Variants in PRDM11 observed in about 807,000 individuals in gnomAD.
The protein encoded by PRDM11 is PR domain-containing protein 11.
In PRDM11, 20 loss-of-function variants were observed where a neutral mutation model predicts 97.8. That is an observed-to-expected ratio of 0.20 (90% CI 0.14 to 0.30). PRDM11 has a LOEUF of 0.30. Among genes scored for constraint, PRDM11 ranks in the 10% least tolerant of loss-of-function variants. The pLI is 1.00. For synonymous variants in PRDM11, 599 were observed against 637.7 expected, an observed-to-expected ratio of 0.94 and a Z score of 0.91; for missense variants, 1,139 against 1,555.2, an observed-to-expected ratio of 0.73 and a Z score of 4.50.
intron 4 of PRDM11, among the ~76,000 whole-genome samples, chr11:45,201,162 G>T (rs1853313524): frequency 6.6e-6 from 1 of 152,204 alleles, no homozygotes; most frequent in Admixed American, 6.5e-5. Flanking sequence ...GTAGAGGCCA[G>T]TACCCTAGAG....
chr11:45,185,244 AC>A (rs1449607273), intron 4 of PRDM11, among the ~76,000 whole-genome samples: 5 of 152,210 alleles, frequency 3.3e-5, no homozygotes, highest in South Asian at 2.1e-4. Flanking sequence ...ATGTCTGGAG[AC>A]CTTTTGGTTG....
intron 1 of PRDM11, among the ~76,000 whole-genome samples, chr11:45,162,560 CAT>C (rs1209489568): frequency 1.3e-5 from 2 of 152,172 alleles, no homozygotes; most frequent in African/African-American, 2.4e-5. Flanking sequence ...AATAACCACT[CAT>C]ATTTACTGAG....
chr11:45,135,678 C>A (rs1028675401), intron 1 of PRDM11, among the ~76,000 whole-genome samples: 1 of 152,128 alleles, frequency 6.6e-6, no homozygotes, highest in Non-Finnish European at 1.5e-5. Context: ...GACTTAAATA[C>A]GATGGAAAAA....
At chr11:45,151,327 C>T (rs1267707905) in intron 1 of PRDM11, among the ~76,000 whole-genome samples, 2 of 152,190 alleles carry the variant, frequency 1.3e-5, no homozygotes, top group African/African-American at 2.4e-5. Context: ...AAAAACAAGC[C>T]GTGCAGAAAG....
At chr11:45,128,134 T>C (rs953005780) in intron 1 of PRDM11, among the ~76,000 whole-genome samples, 17 of 152,204 alleles carry the variant, frequency 1.1e-4, no homozygotes, top group Non-Finnish European at 1.2e-4. Context: ...TCTGTGGGCG[T>C]AGGACCCTCC....
At chr11:45,224,972 C>T in intron 7 of PRDM11, 129 bp downstream of exon 7, 3 of 1,538,302 alleles carry the variant, frequency 2.0e-6, no homozygotes, top group Non-Finnish European at 2.6e-6. Context: ...GAGGCGGCTA[C>T]CTCCGTGGGT....
At position 45,212,851 on chromosome 11, in the gene PRDM11, G is replaced by T. The variant is rs1375303697; in HGVS notation, c.555-6719G>T. On this transcript the variant is annotated intron_variant, in intron 5 of 7. Coordinates refer to ENST00000683152, the MANE Select transcript of PRDM11 (RefSeq NM_001384648.1). ...CCGAGCTGACCAGCCGTGTCGGTCA[G>T]ATGTGCCAGACGCTGACAGAGATCC... is the stretch of plus-strand genomic sequence containing the variant. 1.4e-5 allele frequency: 6 copies of T among 444,080 alleles called. No homozygotes were observed. The East Asian group carries it at 4.2e-4, about 31-fold the overall frequency. The allele number at this position is 444,080 out of a possible 1,614,324, so 27.5% of individuals were successfully genotyped here.
chr11:45,162,619 G>T (rs930118328), intron 1 of PRDM11, among the ~76,000 whole-genome samples: 13 of 152,048 alleles, frequency 8.5e-5, no homozygotes, highest in African/African-American at 3.1e-4. Context: ...TAATCTTCAG[G>T]GTAGCATCAT....
chr11:45,189,795 G>A (rs1009721416), intron 4 of PRDM11, among the ~76,000 whole-genome samples: 1 of 152,210 alleles, frequency 6.6e-6, no homozygotes, highest in Non-Finnish European at 1.5e-5. Flanking sequence ...GAAATAAGCA[G>A]ACAGTTGCAG....
chr11:45,226,781 G>T lies in PRDM11; in HGVS notation c.2156G>T (p.Arg719Leu). 1 of 1,533,948 alleles carries T rather than the reference G, an allele frequency of 6.5e-7. No individual in the cohort carries two copies. The highest frequency in any genetic ancestry group is 8.7e-7 in the Non-Finnish European group (1 of 1,146,738). The change falls in exon 8 of 8, where the codon CGG (arginine) becomes CTG (leucine). Residue 719 changes from arginine (R) to leucine (L), a missense_variant. Physicochemically the swap from Arg to Leu is moderately radical, Grantham distance 102. Around this residue, in one of 2 missense-constraint regions of PRDM11, gnomAD observed 710 missense variants for 1,044.9 expected, o/e 0.68. Transcript: ENST00000683152. ...CGGGCCTTCTCGGCCTTGGGCATCC[G>T]GTTGCAGGATGAAAAGCCAACTGTT... ...LDRAFSALGI[R>L]LQDEKPTVGL...
upstream of PRDM11, among the ~76,000 whole-genome samples, chr11:45,145,488 G>A (rs1034172521): frequency 1.3e-5 from 2 of 152,184 alleles, no homozygotes; most frequent in Non-Finnish European, 2.9e-5. Flanking sequence ...TTCCGCCTTG[G>A]GAGGAGGCTT....
At chr11:45,151,411 C>G (rs1022856145) in intron 1 of PRDM11, among the ~76,000 whole-genome samples, 4 of 152,238 alleles carry the variant, frequency 2.6e-5, no homozygotes, top group Non-Finnish European at 2.9e-5. Context: ...GTTGAAAAGG[C>G]CAATGTTCAC....
In PRDM11 at chr11:45,131,867, T is replaced by G. The variant is rs112407088; in HGVS notation, c.96+35966T>G. On this transcript the variant is annotated intron_variant, in intron 1 of 6. Coordinates refer to the PRDM11 transcript ENST00000530656. Reference sequence around the variant, plus strand: ...ATAGGGCAATTTCAGGGTTGGCTAATGAAGTTGCTCAAAAATGTTATCCGG... The same window carrying G: ...ATAGGGCAATTTCAGGGTTGGCTAAGGAAGTTGCTCAAAAATGTTATCCGG... Among the ~76,000 whole-genome samples, 482 of 152,314 alleles carry G rather than the reference T, an allele frequency of 3.2e-3. 6 individuals are homozygous for G. The highest frequency in any genetic ancestry group is 0.011 in the African/African-American group (470 of 41,560).
intron 1 of PRDM11, among the ~76,000 whole-genome samples, chr11:45,119,490 C>A (rs555944152): frequency 1.3e-5 from 2 of 151,850 alleles, no homozygotes; most frequent in South Asian, 4.2e-4. Flanking sequence ...ATTAGCCAGG[C>A]GAGGTGGAGG....
rs561201213 is a variant in PRDM11, at chr11:45,227,696, G to A, written c.3071G>A (p.Arg1024Gln). 6.5e-6 allele frequency: 10 copies of A among 1,533,942 alleles called. No individual in the cohort carries two copies. The highest frequency in any genetic ancestry group is 4.9e-5 in the East Asian group (2 of 40,918). Residue 1024 changes from arginine to glutamine, a missense_variant, in exon 8 of 8, where the codon CGG becomes CAG. Arg to Gln is a conservative substitution (Grantham distance 43, BLOSUM62 1). Around this residue, in one of 2 missense-constraint regions of PRDM11, gnomAD observed 710 missense variants for 1,044.9 expected, o/e 0.68. Coordinates refer to ENST00000683152, the MANE Select transcript of PRDM11 (RefSeq NM_001384648.1). This position sits in a 1 kb window ranked among gnomAD's most constrained non-coding sequence, Gnocchi z 8.0. ...DHLEAIPTFS[R>Q]DVCREGLDPR... ...CTGGAGGCCATCCCGACCTTTTCCC[G>A]GGATGTCTGTAGGGAAGGGCTGGAC...
At chr11:45,185,035 G>T (rs1239059834) in intron 4 of PRDM11, among the ~76,000 whole-genome samples, 1 of 152,186 alleles carries the variant, frequency 6.6e-6, no homozygotes, top group Non-Finnish European at 1.5e-5. Context: ...GAAGTCAGGG[G>T]AGAAGAGAGG....
At chr11:45,176,894 G>A (rs771888524) in intron 1 of PRDM11, among the ~76,000 whole-genome samples, 1 of 152,210 alleles carries the variant, frequency 6.6e-6, no homozygotes, top group Non-Finnish European at 1.5e-5. Flanking sequence ...GAGAAACTGA[G>A]GGCAAGGCAG....
intron 1 of PRDM11, among the ~76,000 whole-genome samples, chr11:45,160,944 G>A (rs1851912958): frequency 6.6e-6 from 1 of 152,148 alleles, no homozygotes; most frequent in Non-Finnish European, 1.5e-5. Context: ...CACATACAGG[G>A]TTTTCTGCCC....
Position 45,110,203 on chromosome 11 carries a change from G to A in PRDM11, c.96+14302G>A, listed in dbSNP as rs143530024. ...AATTTTTCATCTCCTTTCTTGGATCGGGGTGGCTTTTATTTTTCTTCCAAG... is the reference window on the plus strand; with the variant it reads ...AATTTTTCATCTCCTTTCTTGGATCAGGGTGGCTTTTATTTTTCTTCCAAG... On this transcript the variant is annotated intron_variant, in intron 1 of 6. Coordinates refer to the PRDM11 transcript ENST00000530656. 6.1e-3 allele frequency among the ~76,000 whole-genome samples: 927 copies of A among 152,260 alleles called. 11 individuals are homozygous for A. The highest frequency in any genetic ancestry group is 0.021 in the African/African-American group (873 of 41,548).
Sources: allele counts gnomAD v4.1 joint callset (sites outside exome capture counted in the v4.1 genomes callset), GRCh38; gene constraint gnomAD v4.1.1; regional missense constraint gnomAD v4.1.1; non-coding constraint Gnocchi (gnomAD v3.1); transcripts MANE v1.5; gene names NCBI Gene and HGNC (gene_info 2026-07-23, HGNC 2026-07-21).